The following CACNA2D3 variants were observed in gnomAD, a reference collection of about 807,000 sequenced individuals.
CACNA2D3 encodes voltage-dependent calcium channel subunit alpha-2/delta-3.
CACNA2D3 carries 60 observed loss-of-function variants against 160.6 expected under a neutral mutation model. The ratio of observed to expected loss-of-function variants is 0.37; its 90% CI spans 0.30 to 0.46. The LOEUF (loss-of-function observed/expected upper bound fraction) is 0.46, where lower values mean the gene tolerates loss of function less well. Among genes scored for constraint, CACNA2D3 ranks in the 20% least tolerant of loss-of-function variants. The probability of loss-of-function intolerance (pLI) is 1.00; values close to 1 mark genes in which losing one functional copy is unlikely to be tolerated. For synonymous variants in CACNA2D3, 558 were observed against 492.9 expected, an observed-to-expected ratio of 1.13 and a Z score of -1.75; for missense variants, 1,205 against 1,365.0, an observed-to-expected ratio of 0.88 and a Z score of 1.85.
chr3:54,932,615 T>C (rs1230387088), intron 27 of CACNA2D3, among the ~76,000 whole-genome samples: 1 of 152,220 alleles, frequency 6.6e-6, no homozygotes, highest in Non-Finnish European at 1.5e-5. Context: ...TTGCCTCCTC[T>C]CTCACCAAGA....
chr3:54,696,575 G>A (rs552089913), intron 11 of CACNA2D3, among the ~76,000 whole-genome samples: 1 of 152,086 alleles, frequency 6.6e-6, no homozygotes, highest in Admixed American at 6.5e-5. Flanking sequence ...TGGTGGTAGC[G>A]AGTACACAGA....
intron 2 of CACNA2D3, among the ~76,000 whole-genome samples, chr3:54,221,212 C>T (rs995008769): frequency 1.3e-5 from 2 of 152,180 alleles, no homozygotes; most frequent in African/African-American, 4.8e-5. Flanking sequence ...TAATTAAAAT[C>T]CATGAGTCTT....
At chr3:54,670,490 C>A (rs957642197) in intron 11 of CACNA2D3, among the ~76,000 whole-genome samples, 2 of 152,102 alleles carry the variant, frequency 1.3e-5, no homozygotes, top group East Asian at 1.9e-4. Context: ...GCAAAACCGC[C>A]CCATCTGGCC....
chr3:54,696,498 A>T (rs750469019), intron 11 of CACNA2D3, among the ~76,000 whole-genome samples: 1 of 152,200 alleles, frequency 6.6e-6, no homozygotes, highest in African/African-American at 2.4e-5. Flanking sequence ...ATGTTTCCTT[A>T]GAAGAGGGTT....
At chr3:54,504,762 C>T (rs577691900) in intron 5 of CACNA2D3, among the ~76,000 whole-genome samples, 2 of 152,166 alleles carry the variant, frequency 1.3e-5, no homozygotes, top group Non-Finnish European at 2.9e-5. Context: ...CCTGATCTTC[C>T]TCTTGTAGGC....
intron 4 of CACNA2D3, among the ~76,000 whole-genome samples, chr3:54,461,697 A>G (rs1283872970): frequency 1.3e-5 from 2 of 151,532 alleles, no homozygotes; most frequent in African/African-American, 2.4e-5. Context: ...GTAGTGATCT[A>G]TCAGTTTTGT....
intron 4 of CACNA2D3, among the ~76,000 whole-genome samples, chr3:54,461,044 T>C (rs1183597230): frequency 1.3e-5 from 2 of 152,158 alleles, no homozygotes; most frequent in African/African-American, 4.8e-5. Context: ...CATGTTGTTT[T>C]TGTCTTTGGT....
rs1235878973 is a variant in CACNA2D3 at position 54,891,366 on chromosome 3, A to G, written c.2162A>G (p.Lys721Arg). The G allele has an allele frequency of 6.8e-6, 11 of 1,613,586 alleles. No homozygotes were observed. In the African/African-American group the frequency reaches 1.3e-4, roughly 20 times the overall value. The change falls in exon 25 of 38, where the codon AAG (lysine) becomes AGG (arginine). Residue 721 changes from lysine (K) to arginine (R), a missense_variant. Physicochemically the swap from Lys to Arg is conservative, Grantham distance 26 (BLOSUM62 2). This residue lies in a region of CACNA2D3 where 911 missense variants were observed against 1,002.2 expected (regional missense o/e 0.91). Transcript: ENST00000474759. ...TTGTTCTGTTTCAGAAATTCTGACA[A>G]GGGCGTGGAGGTTGCCTTCCTCGGC... Reference protein sequence around the residue: ...LALNKSENSDKGVEVAFLGTR... With the variant: ...LALNKSENSDRGVEVAFLGTR...
In CACNA2D3 at chr3:54,997,749, T is replaced by G. The variant is rs576623015; in HGVS notation, c.2691-7014T>G. Among the ~76,000 whole-genome samples the G allele has an allele frequency of 2.9e-3, 443 of 152,138 alleles. 1 individual carries two copies. Among genetic ancestry groups the G allele is most frequent in the African/African-American group, 0.01 (428 of 41,520 alleles). On this transcript the variant is annotated intron_variant, in intron 31 of 37. Transcript: ENST00000474759. ...AAGAGAAAAGAAAAGGAAAGAAAAT[T>G]TATTTGAAGTTCCCCAGGTGATTCC...
Position 54,941,856 on chromosome 3 carries a change from G to C in CACNA2D3, c.2450-26594G>C, listed in dbSNP as rs188876922. Among the ~76,000 whole-genome samples the C allele has an allele frequency of 2.0e-5, 3 of 152,284 alleles. No homozygotes were observed. The East Asian group carries it at 5.8e-4, about 29-fold the overall frequency. On this transcript the variant is annotated intron_variant, in intron 27 of 37. Coordinates refer to ENST00000474759, the MANE Select transcript of CACNA2D3 (RefSeq NM_018398.3). ...GCATTGGCCTCCTCCCTGCCACACA[G>C]TTCTGCAGCTCTGTTTGCACCTGTC...
At chr3:54,943,495 TAGTC>T (rs1312981223) in intron 27 of CACNA2D3, among the ~76,000 whole-genome samples, 1 of 152,228 alleles carries the variant, frequency 6.6e-6, no homozygotes, top group Non-Finnish European at 1.5e-5. Flanking sequence ...CTTGATTAAT[TAGTC>T]AGCGAATATA....
chr3:54,473,890 G>A (rs906551674), intron 4 of CACNA2D3, among the ~76,000 whole-genome samples: 7 of 152,160 alleles, frequency 4.6e-5, no homozygotes, highest in South Asian at 4.2e-4. Flanking sequence ...TTAAAAAGTC[G>A]GGAAACAACA....
intron 18 of CACNA2D3, among the ~76,000 whole-genome samples, chr3:54,877,346 C>T (rs999034637): frequency 5.3e-5 from 8 of 152,126 alleles, no homozygotes; most frequent in Admixed American, 1.3e-4. Flanking sequence ...ATGAGGATGA[C>T]GATGATACAG....
At chr3:54,260,663 C>T (rs542414422) in intron 2 of CACNA2D3, among the ~76,000 whole-genome samples, 5 of 152,312 alleles carry the variant, frequency 3.3e-5, no homozygotes, top group South Asian at 2.1e-4. Context: ...CTTCCCCTCA[C>T]GTCTCCTACT....
At chr3:54,513,486 C>G (rs961707188) in intron 5 of CACNA2D3, among the ~76,000 whole-genome samples, 3 of 152,142 alleles carry the variant, frequency 2.0e-5, no homozygotes, top group Non-Finnish European at 2.9e-5. Flanking sequence ...CTAATTCCCA[C>G]TTTAGAGGTG....
chr3:54,537,481 G>A (rs1690226098), intron 5 of CACNA2D3, among the ~76,000 whole-genome samples: 1 of 152,022 alleles, frequency 6.6e-6, no homozygotes, highest in South Asian at 2.1e-4. Context: ...ACTTACTATG[G>A]GTCATGCACT....
intron 31 of CACNA2D3, among the ~76,000 whole-genome samples, chr3:54,994,394 C>G (rs371351346): frequency 3.4e-4 from 52 of 152,308 alleles, no homozygotes; most frequent in Admixed American, 7.8e-4. Flanking sequence ...TGGCTTCCTG[C>G]TGACCTGACC....
chr3:54,263,938 A>C (rs1702452512), intron 2 of CACNA2D3, among the ~76,000 whole-genome samples: 1 of 152,090 alleles, frequency 6.6e-6, no homozygotes, highest in African/African-American at 2.4e-5. Flanking sequence ...CATTTGTTAA[A>C]CTTCATTATT....
At chr3:54,512,010 T>C (rs1300244483) in intron 5 of CACNA2D3, among the ~76,000 whole-genome samples, 2 of 152,168 alleles carry the variant, frequency 1.3e-5, no homozygotes, top group Non-Finnish European at 2.9e-5. Flanking sequence ...GATTAAGAGC[T>C]ACTGTCCCTG....
Sources: gnomAD v4.1 joint callset for allele counts (sites outside exome capture counted in the v4.1 genomes callset) on GRCh38, gnomAD v4.1.1 for gene constraint, gnomAD v4.1.1 regional missense constraint, MANE v1.5 for transcripts, NCBI Gene and HGNC (gene_info 2026-07-23, HGNC 2026-07-21) for gene names.